IL6R: variants seen among roughly 807,000 people sequenced by gnomAD.
IL6R encodes interleukin 6 receptor, also known as interleukin-6 receptor subunit alpha.
In IL6R, 38 loss-of-function variants were observed where a neutral mutation model predicts 48.3. That is an observed-to-expected ratio of 0.79 (90% CI 0.61 to 1.03). IL6R has a LOEUF of 1.03. Ranked by LOEUF, IL6R falls within the 50% of genes least tolerant of loss-of-function variation. The pLI, the probability that IL6R is intolerant of heterozygous loss-of-function variation, is 0.00. For missense variants in IL6R, 534 were observed against 618.3 expected (o/e 0.86, Z 1.45); for synonymous variants, 264 against 256.2 (o/e 1.03, Z -0.29).
intron 3 of IL6R, among the ~76,000 whole-genome samples, chr1:154,431,490 A>AT (rs1463623928): frequency 6.6e-6 from 1 of 152,216 alleles, no homozygotes; most frequent in Non-Finnish European, 1.5e-5. Context: ...TAATTTATAA[A>AT]TTAGGTGCAG....
intron 1 of IL6R, chr1:154,418,321 C>CAGCAT (rs766762649): frequency 3.1e-6 from 2 of 652,562 alleles, no homozygotes; most frequent in Non-Finnish European, 3.8e-6. Flanking sequence ...ACGTGGGTCT[C>CAGCAT]TGAGTCAGCA....
At chr1:154,431,461 A>G (rs780932030) in intron 3 of IL6R, among the ~76,000 whole-genome samples, 1 of 152,200 alleles carries the variant, frequency 6.6e-6, no homozygotes, top group South Asian at 2.1e-4. Context: ...TTTTCTATAG[A>G]TATGTACTTA....
At chr1:154,418,756 T>C (rs1688494260) in intron 1 of IL6R, among the ~76,000 whole-genome samples, 1 of 152,094 alleles carries the variant, frequency 6.6e-6, no homozygotes, top group African/African-American at 2.4e-5. Context: ...GGAGGCAGTT[T>C]TAGGCTCTAA....
In IL6R at chr1:154,434,674, C is replaced by A. The variant is rs1476319720; in HGVS notation, c.614C>A (p.Thr205Asn). ...AGTGTCGGGAGCAAGTTCAGCAAAA[C>A]TCAAACCTTTCAGGGTTGTGGAATC... ...ASSVGSKFSKTQTFQGCGILQ... is the reference protein window; with the variant it reads ...ASSVGSKFSKNQTFQGCGILQ... Residue 205 changes from threonine to asparagine, a missense_variant, in exon 4 of 10, where the codon ACT becomes AAT. Thr to Asn is a moderately conservative substitution (Grantham distance 65). Coordinates refer to ENST00000368485, the MANE Select transcript of IL6R (RefSeq NM_000565.4). 23 of 1,614,034 alleles carry A rather than the reference C, an allele frequency of 1.4e-5. No individual in the cohort carries two copies. The highest frequency in any genetic ancestry group is 1.9e-5 in the Non-Finnish European group (22 of 1,180,012).
intron 6 of IL6R, among the ~76,000 whole-genome samples, chr1:154,447,835 C>T (rs556246198): frequency 6.6e-6 from 1 of 152,046 alleles, no homozygotes; most frequent in South Asian, 2.1e-4. Flanking sequence ...CTGCCTCAGC[C>T]TCCCGAGTAG....
intron 9 of IL6R, among the ~76,000 whole-genome samples, chr1:154,461,568 T>G (rs1037278744): frequency 6.6e-6 from 1 of 152,248 alleles, no homozygotes; most frequent in Non-Finnish European, 1.5e-5. Flanking sequence ...TAGGTTATAT[T>G]AGTAATGGAA....
chr1:154,440,480 C>T (rs867640535), intron 6 of IL6R, among the ~76,000 whole-genome samples: 1 of 152,024 alleles, frequency 6.6e-6, no homozygotes, highest in African/African-American at 2.4e-5. Flanking sequence ...AATGCCATGC[C>T]GTTTTCCACA....
At chr1:154,414,239 C>T (rs938514310) in intron 1 of IL6R, 3 of 488,946 alleles carry the variant, frequency 6.1e-6, no homozygotes, top group African/African-American at 5.9e-5. Context: ...TAACATCCTT[C>T]CCATTCCAAT....
intron 9 of IL6R, among the ~76,000 whole-genome samples, chr1:154,463,276 G>A (rs1185715814): frequency 6.6e-6 from 1 of 152,034 alleles, no homozygotes; most frequent in Non-Finnish European, 1.5e-5. Context: ...TCTTACAGGA[G>A]AACTCCATTC....
In IL6R at chr1:154,467,549, G is replaced by C. The variant is rs1691612533; in HGVS notation, c.*2169G>C. On this transcript the variant is annotated 3_prime_UTR_variant, in exon 10 of 10. Transcript: ENST00000368485. Reference sequence around the variant, plus strand: ...AGTAAGCCGTGATTTTCATTGCTGGGCTTGTCTGTAGATTTTAGACCCTAT... The same window carrying C: ...AGTAAGCCGTGATTTTCATTGCTGGCCTTGTCTGTAGATTTTAGACCCTAT... 1 of 152,202 alleles carries C rather than the reference G, an allele frequency of 6.6e-6. No homozygotes were observed. The highest frequency in any genetic ancestry group is 1.5e-5 in the Non-Finnish European group (1 of 68,048). 9.4% of individuals were successfully genotyped at this position (152,202 alleles called of 1,614,324 possible). A position where few individuals can be genotyped will look rare whatever the true frequency, so the allele number is the denominator to read the frequency against.
chr1:154,408,628 G>A (rs1046933394), intron 1 of IL6R, among the ~76,000 whole-genome samples: 1 of 152,072 alleles, frequency 6.6e-6, no homozygotes, highest in African/African-American at 2.4e-5. Flanking sequence ...TCAGCAGCCA[G>A]GGTAAACAAA....
chr1:154,426,489 C>G (rs1314711434), intron 1 of IL6R, among the ~76,000 whole-genome samples: 5 of 149,736 alleles, frequency 3.3e-5, no homozygotes, highest in Admixed American at 2.7e-4. Flanking sequence ...CCATTGCACT[C>G]CAGCCTGGGT....
At chr1:154,413,359 G>C (rs1025968372) in intron 1 of IL6R, among the ~76,000 whole-genome samples, 1 of 152,234 alleles carries the variant, frequency 6.6e-6, no homozygotes. Flanking sequence ...GGCCCCTGCT[G>C]TGGGGAATAA....
chr1:154,447,464 T>TACACACAC (rs1558323479), intron 6 of IL6R, among the ~76,000 whole-genome samples: 23 of 93,480 alleles, frequency 2.5e-4, no homozygotes, highest in African/African-American at 1.2e-3. Context: ...AATATATATA[T>TACACACAC]ATATATATAT....
intron 1 of IL6R, chr1:154,414,766 G>A: frequency 1.3e-6 from 1 of 770,006 alleles, no homozygotes; most frequent in Non-Finnish European, 2.3e-6. Flanking sequence ...GATGTCCTTG[G>A]CAGGCAGCCA....
chr1:154,450,456 C>T (rs904556517), intron 8 of IL6R, among the ~76,000 whole-genome samples: 1 of 152,052 alleles, frequency 6.6e-6, no homozygotes, highest in Non-Finnish European at 1.5e-5. Context: ...ATATGTTGAA[C>T]TTTGATATTG....
intron 3 of IL6R, among the ~76,000 whole-genome samples, chr1:154,431,351 A>G (rs1412002877): frequency 2.0e-5 from 3 of 152,168 alleles, no homozygotes; most frequent in Non-Finnish European, 4.4e-5. Flanking sequence ...ATTGAGTTTG[A>G]GCTGTCAGTC....
intron 8 of IL6R, among the ~76,000 whole-genome samples, chr1:154,451,756 G>C (rs972241690): frequency 6.6e-6 from 1 of 151,854 alleles, no homozygotes; most frequent in Admixed American, 6.6e-5. Flanking sequence ...GGCTGGACTC[G>C]AACTCCCCAC....
At chr1:154,462,894 G>A (rs889353544) in intron 9 of IL6R, among the ~76,000 whole-genome samples, 2 of 151,980 alleles carry the variant, frequency 1.3e-5, no homozygotes, top group Non-Finnish European at 2.9e-5. Flanking sequence ...TGCAACCTCT[G>A]CTTCCTGGGT....
Sources: gnomAD v4.1 joint callset for allele counts (sites outside exome capture counted in the v4.1 genomes callset) on GRCh38, gnomAD v4.1.1 for gene constraint, MANE v1.5 for transcripts, NCBI Gene and HGNC (gene_info 2026-07-23, HGNC 2026-07-21) for gene names.